ATG7: variants seen among roughly 807,000 people sequenced by gnomAD.
ATG7 encodes autophagy related 7, also known as ubiquitin-like modifier-activating enzyme ATG7.
A neutral mutation model predicts 82.4 loss-of-function variants in ATG7; 70 were observed. That is an observed-to-expected ratio of 0.85 (90% CI 0.70 to 1.04). The LOEUF (loss-of-function observed/expected upper bound fraction) is 1.04. Ranked by LOEUF, ATG7 falls within the 50% of genes least tolerant of loss-of-function variation. The pLI is 0.00. For missense variants in ATG7, 792 were observed against 864.3 expected, an observed-to-expected ratio of 0.92 and a Z score of 1.05; for synonymous variants, 287 against 313.0, an observed-to-expected ratio of 0.92 and a Z score of 0.88.
chr3:11,559,043 C>T (rs2125097609), downstream of ATG7, among the ~76,000 whole-genome samples: 1 of 152,314 alleles, frequency 6.6e-6, no homozygotes, highest in East Asian at 1.9e-4. Context: ...GGGCCAGAGT[C>T]CGAGTTCAGA....
At chr3:11,327,082 A>G (rs977635317) in intron 9 of ATG7, among the ~76,000 whole-genome samples, 1 of 152,088 alleles carries the variant, frequency 6.6e-6, no homozygotes, top group Non-Finnish European at 1.5e-5. Context: ...GCAGAGGGGG[A>G]GTCCGTGTAT....
intron 19 of ATG7, among the ~76,000 whole-genome samples, chr3:11,381,806 G>A (rs769145371): frequency 3.3e-5 from 5 of 152,156 alleles, no homozygotes; most frequent in Admixed American, 6.5e-5. Context: ...TCCTGGAAAG[G>A]TTGCTTCATT....
rs1399687022 is a variant in ATG7 at position 11,503,843 on chromosome 3, A to T, written c.2080-50968A>T. 5.3e-5 allele frequency among the ~76,000 whole-genome samples: 8 copies of T among 152,024 alleles called. No individual in the cohort carries two copies. The East Asian group carries it at 1.5e-3, about 29-fold the overall frequency. The stretch of plus-strand genomic sequence containing the variant: ...GTTTAAAATTCAGTAGAAGGATTAG[A>T]CAGTGAAATTTAGACTATCTTCCAG... On this transcript the variant is annotated intron_variant, in intron 20 of 20. Coordinates refer to ENST00000693202, the MANE Select transcript of ATG7 (RefSeq NM_001349232.2).
intron 19 of ATG7, among the ~76,000 whole-genome samples, chr3:11,402,789 A>G (rs909392087): frequency 6.6e-6 from 1 of 152,142 alleles, no homozygotes; most frequent in African/African-American, 2.4e-5. Flanking sequence ...TTTTTTAACA[A>G]TTTTTTTAAT....
At chr3:11,310,868 G>A (rs1025947224) in intron 7 of ATG7, among the ~76,000 whole-genome samples, 21 of 152,054 alleles carry the variant, frequency 1.4e-4, no homozygotes, top group African/African-American at 4.6e-4. Flanking sequence ...TCCTGACCTC[G>A]TGATCCGCCC....
intron 1 of ATG7, among the ~76,000 whole-genome samples, chr3:11,275,860 C>A (rs763218887): frequency 6.6e-6 from 1 of 152,170 alleles, no homozygotes; most frequent in Non-Finnish European, 1.5e-5. Flanking sequence ...TTTCCTCACA[C>A]CTTCATCCCA....
At chr3:11,540,209 G>A (rs917316422) in intron 20 of ATG7, among the ~76,000 whole-genome samples, 1 of 152,250 alleles carries the variant, frequency 6.6e-6, no homozygotes, top group Non-Finnish European at 1.5e-5. Flanking sequence ...GTCAGCACTT[G>A]GAAGCTGGTA....
At chr3:11,569,225 G>A in the ATG7 span, among the ~76,000 whole-genome samples, 1 of 152,196 alleles carries the variant, frequency 6.6e-6, no homozygotes, top group Non-Finnish European at 1.5e-5. Context: ...ATCACCTGAC[G>A]TTCTGAGCCT....
intron 20 of ATG7, among the ~76,000 whole-genome samples, chr3:11,493,454 A>C (rs2090563725): frequency 6.6e-6 from 1 of 152,234 alleles, no homozygotes; most frequent in South Asian, 2.1e-4. Flanking sequence ...AGAATGACTC[A>C]GGAGAGAGCA....
chr3:11,507,063 T>A (rs2091772327), intron 20 of ATG7, among the ~76,000 whole-genome samples: 1 of 152,154 alleles, frequency 6.6e-6, no homozygotes, highest in Admixed American at 6.5e-5. Flanking sequence ...GGCAGATCAC[T>A]TGAGATCAGG....
chr3:11,332,596 G>GT (rs1294103739), intron 10 of ATG7: 1 of 154,568 alleles, frequency 6.5e-6, no homozygotes, highest in African/African-American at 2.4e-5. Context: ...TAATATGGAA[G>GT]TTCAGATGGG....
intron 20 of ATG7, among the ~76,000 whole-genome samples, chr3:11,510,742 A>G (rs1400530240): frequency 6.6e-6 from 1 of 152,186 alleles, no homozygotes; most frequent in Non-Finnish European, 1.5e-5. Context: ...GTTTTTGGCC[A>G]TACTGTTCTT....
At chr3:11,462,109 A>T (rs1315852985) in intron 20 of ATG7, among the ~76,000 whole-genome samples, 3 of 151,850 alleles carry the variant, frequency 2.0e-5, no homozygotes, top group Non-Finnish European at 4.4e-5. Context: ...GGTCATTAAA[A>T]CCTACTCGGC....
At chr3:11,468,546 G>A (rs2087071899) in intron 20 of ATG7, among the ~76,000 whole-genome samples, 1 of 152,168 alleles carries the variant, frequency 6.6e-6, no homozygotes, top group Admixed American at 6.5e-5. Context: ...TTTGGGCTCT[G>A]GATTTCACAT....
In ATG7 at chr3:11,276,337, C is replaced by T. The variant is rs866919927; in HGVS notation, c.-366+3907C>T. On this transcript the variant is annotated intron_variant, in intron 1 of 20. Transcript: ENST00000693202. ...CCTCTATTTGTGCTTGAGATCCCAT[C>T]GCCTCCTTTGCCTCAAGGACTGGGT... 4.6e-5 allele frequency among the ~76,000 whole-genome samples: 7 copies of T among 152,290 alleles called. No homozygotes were observed. The South Asian group carries it at 1.2e-3, about 27-fold the overall frequency.
chr3:11,397,348 A>G (rs1455919434), intron 19 of ATG7, among the ~76,000 whole-genome samples: 1 of 146,702 alleles, frequency 6.8e-6, no homozygotes, highest in African/African-American at 2.5e-5. Context: ...TTGTAATACA[A>G]TTACTTTATA....
chr3:11,378,737 G>C (rs905184229), intron 18 of ATG7, among the ~76,000 whole-genome samples: 1 of 147,240 alleles, frequency 6.8e-6, no homozygotes. Context: ...TTCCAGGTTT[G>C]ATTTTTTTCC....
At chr3:11,406,178 T>G (rs901080747) in intron 19 of ATG7, among the ~76,000 whole-genome samples, 29 of 151,960 alleles carry the variant, frequency 1.9e-4, no homozygotes, top group African/African-American at 7.0e-4. Context: ...TTGGTAGAAA[T>G]GGGGTTTCAT....
chr3:11,545,650 G>A (rs1205708034), intron 20 of ATG7, among the ~76,000 whole-genome samples: 1 of 151,926 alleles, frequency 6.6e-6, no homozygotes, highest in Admixed American at 6.5e-5. Context: ...CCTCGGGGCT[G>A]TGCTTGGGCT....
Sources: allele counts gnomAD v4.1 joint callset (sites outside exome capture counted in the v4.1 genomes callset), GRCh38; gene constraint gnomAD v4.1.1; transcripts MANE v1.5; gene names NCBI Gene and HGNC (gene_info 2026-07-23, HGNC 2026-07-21).